Variants in PCDHGA3 observed in about 807,000 individuals in gnomAD.
PCDHGA3 encodes protocadherin gamma-A3.
In PCDHGA3, 40 loss-of-function variants were observed where a neutral mutation model predicts 58.5. The observed-to-expected ratio is 0.68, with a 90% confidence interval of 0.53 to 0.89. The LOEUF (loss-of-function observed/expected upper bound fraction) is 0.89, where lower values mean the gene tolerates loss of function less well. PCDHGA3 is among the 40% of genes least tolerant of loss of function. The probability of loss-of-function intolerance (pLI) is 0.00; values close to 1 mark genes in which losing one functional copy is unlikely to be tolerated. For missense variants in PCDHGA3, 1,223 were observed against 1,195.9 expected, an observed-to-expected ratio of 1.02 and a Z score of -0.33; for synonymous variants, 530 against 525.7, an observed-to-expected ratio of 1.01 and a Z score of -0.11.
At chr5:141,375,787 C>T (rs759753735) in intron 1 of PCDHGA3, 1 of 1,614,256 alleles carries the variant, frequency 6.2e-7, no homozygotes, top group South Asian at 1.1e-5. Flanking sequence ...CCGCCCTCCC[C>T]ACAGACGGTT....
At chr5:141,395,169 G>A in intron 1 of PCDHGA3, 3 of 1,614,020 alleles carry the variant, frequency 1.9e-6, no homozygotes, top group Non-Finnish European at 2.5e-6. Flanking sequence ...GGAGGGCTGT[G>A]AGAAAAATGA....
chr5:141,370,719 GTTGCTGA>G, intron 1 of PCDHGA3: 1 of 1,613,852 alleles, frequency 6.2e-7, no homozygotes. Flanking sequence ...ATTTGAAATG[GTTGCTGA>G]AAAGCCTTTA....
intron 1 of PCDHGA3, among the ~76,000 whole-genome samples, chr5:141,437,922 G>A (rs1039507511): frequency 1.3e-5 from 2 of 152,106 alleles, no homozygotes; most frequent in Admixed American, 6.5e-5. Context: ...ATTTTTAGTA[G>A]AGATGGGGTT....
At position 141,512,161 on chromosome 5, in the gene PCDHGA3, G is replaced by A. The variant is rs1176664723; in HGVS notation, c.*988G>A. On this transcript the variant is annotated 3_prime_UTR_variant, in exon 4 of 4. Transcript: ENST00000253812. ...AGCCAGCTTTGGGCTGAGCTAACAGGACCAATGGATTAAACTGGCATTTCA... is the reference window on the plus strand; with the variant it reads ...AGCCAGCTTTGGGCTGAGCTAACAGAACCAATGGATTAAACTGGCATTTCA... The A allele has an allele frequency of 6.5e-6, 1 of 152,704 alleles. No homozygotes were observed. Among genetic ancestry groups the A allele is most frequent in the African/African-American group, 2.4e-5 (1 of 41,440 alleles). 9.5% of individuals were successfully genotyped at this position (152,704 alleles called of 1,614,324 possible). A position where few individuals can be genotyped will look rare whatever the true frequency, so the allele number is the denominator to read the frequency against.
intron 1 of PCDHGA3, chr5:141,372,254 C>G: frequency 6.2e-7 from 1 of 1,613,086 alleles, no homozygotes; most frequent in Non-Finnish European, 8.5e-7. Context: ...TCAGCCTGGG[C>G]CTGCGCACGG....
intron 1 of PCDHGA3, chr5:141,415,444 T>A (rs770800491): frequency 1.9e-6 from 3 of 1,614,184 alleles, no homozygotes; most frequent in Non-Finnish European, 2.5e-6. Context: ...CCTGCAGACC[T>A]ATTCCCACGA....
chr5:141,428,073 G>A (rs2097106496), intron 1 of PCDHGA3: 1 of 1,609,082 alleles, frequency 6.2e-7, no homozygotes, highest in Admixed American at 1.7e-5. Flanking sequence ...CGCAGATTCG[G>A]GACACAACGC....
chr5:141,364,495 G>A, intron 1 of PCDHGA3: 2 of 1,614,036 alleles, frequency 1.2e-6, no homozygotes, highest in Non-Finnish European at 1.7e-6. Flanking sequence ...TTGGGCTGGA[G>A]CCCCAGGAGC....
intron 1 of PCDHGA3, chr5:141,429,265 T>C (rs1297239650): frequency 6.6e-6 from 1 of 152,148 alleles, no homozygotes; most frequent in Non-Finnish European, 1.5e-5. Flanking sequence ...GAGGAATAAA[T>C]TTTTTTCCTG....
intron 1 of PCDHGA3, among the ~76,000 whole-genome samples, chr5:141,474,075 C>T (rs2099339724): frequency 6.6e-6 from 1 of 151,902 alleles, no homozygotes; most frequent in African/African-American, 2.4e-5. Flanking sequence ...GCCTCAGAAA[C>T]AAAAACCAAA....
chr5:141,398,009 C>G (rs1589315775), intron 1 of PCDHGA3: 1 of 1,400,564 alleles, frequency 7.1e-7, no homozygotes, highest in Non-Finnish European at 9.5e-7. Context: ...GAAAAAGAAT[C>G]GTTTCCTAAA....
chr5:141,394,491 C>A lies in PCDHGA3; in HGVS notation c.2424+48034C>A, dbSNP rs1477855534. 4 of 1,614,234 alleles carry A rather than the reference C, an allele frequency of 2.5e-6. No homozygotes were observed. The highest frequency in any genetic ancestry group is 2.5e-6 in the Non-Finnish European group (3 of 1,180,046). On this transcript the variant is annotated intron_variant, in intron 1 of 3. Transcript: ENST00000253812. The stretch of plus-strand genomic sequence containing the variant: ...CGTGCTGGACCAGAATGACAACGCG[C>A]CCGAGATCCTGTACCCCGCCCTCCC...
chr5:141,424,023 A>G (rs1391381195), intron 1 of PCDHGA3: 1 of 1,047,166 alleles, frequency 9.5e-7, no homozygotes, highest in Non-Finnish European at 1.2e-6. Context: ...TGATTCACAA[A>G]CACTTTTTAT....
chr5:141,349,295 C>T (rs1758269433), intron 1 of PCDHGA3, among the ~76,000 whole-genome samples: 1 of 152,174 alleles, frequency 6.6e-6, no homozygotes, highest in South Asian at 2.1e-4. Context: ...GTCTCAAACT[C>T]CTGACCTCAT....
At chr5:141,386,096 G>C (rs1029162742) in intron 1 of PCDHGA3, 7 of 152,214 alleles carry the variant, frequency 4.6e-5, no homozygotes, top group African/African-American at 1.7e-4. Flanking sequence ...CAGATGAAGT[G>C]TGTCTGTGGG....
chr5:141,350,812 T>C, intron 1 of PCDHGA3: 1 of 1,614,022 alleles, frequency 6.2e-7, no homozygotes, highest in East Asian at 2.2e-5. Context: ...AAAGTCCTGA[T>C]GGAAGTAAAT....
chr5:141,361,612 G>T (rs1485952478), intron 1 of PCDHGA3: 6 of 1,613,866 alleles, frequency 3.7e-6, no homozygotes, highest in Non-Finnish European at 5.1e-6. Context: ...CTCCATCGTA[G>T]CGAGCGACCT....
chr5:141,509,785 C>T (rs1445220885), intron 3 of PCDHGA3, among the ~76,000 whole-genome samples: 1 of 152,166 alleles, frequency 6.6e-6, no homozygotes, highest in African/African-American at 2.4e-5. Context: ...CCGAGATCAT[C>T]ATCTCCTCAG....
chr5:141,410,317 C>T lies in PCDHGA3; in HGVS notation c.2424+63860C>T, dbSNP rs527641698. ...CCTTAATCTCAGTGCTCTTCCTCCT[C>T]GCCGTGATTCTGGCCATTGCCTTGC... On this transcript the variant is annotated intron_variant, in intron 1 of 3. Coordinates refer to ENST00000253812, the MANE Select transcript of PCDHGA3 (RefSeq NM_018916.4). The T allele has an allele frequency of 2.7e-5, 43 of 1,614,010 alleles. No individual in the cohort carries two copies. In the East Asian group the frequency reaches 8.0e-4, roughly 30 times the overall value.
Sources: gnomAD v4.1 joint callset for allele counts (sites outside exome capture counted in the v4.1 genomes callset) on GRCh38, gnomAD v4.1.1 for gene constraint, MANE v1.5 for transcripts, NCBI Gene and HGNC (gene_info 2026-07-23, HGNC 2026-07-21) for gene names.